The following FBLN5 variants were observed in gnomAD, a reference collection of about 807,000 sequenced individuals.
FBLN5 encodes fibulin-5.
In FBLN5, 24 loss-of-function variants were observed where a neutral mutation model predicts 61.6. That is an observed-to-expected ratio of 0.39 (90% confidence interval 0.28 to 0.55). FBLN5 has a LOEUF of 0.55. Ranked by LOEUF, FBLN5 falls within the 20% of genes least tolerant of loss-of-function variation. FBLN5 has a pLI of 0.65. For missense variants in FBLN5, 470 were observed against 594.1 expected (o/e 0.79, Z 2.17); for synonymous variants, 213 against 219.8 (o/e 0.97, Z 0.27).
chr14:91,897,104 C>T (rs1304786545), intron 4 of FBLN5, among the ~76,000 whole-genome samples: 1 of 152,072 alleles, frequency 6.6e-6, no homozygotes, highest in Non-Finnish European at 1.5e-5. Flanking sequence ...AAGTGGCTTT[C>T]CCTCCTCTAA....
intron 4 of FBLN5, among the ~76,000 whole-genome samples, chr14:91,899,709 T>C (rs1890378587): frequency 6.6e-6 from 1 of 152,218 alleles, no homozygotes; most frequent in African/African-American, 2.4e-5. Context: ...TAGGATTTCA[T>C]ACCCTTAGCT....
At chr14:91,899,868 GA>G (rs978634280) in intron 4 of FBLN5, among the ~76,000 whole-genome samples, 7 of 152,204 alleles carry the variant, frequency 4.6e-5, no homozygotes, top group African/African-American at 1.4e-4. Context: ...AAAGGCACCA[GA>G]TGAAGAAACT....
intron 2 of FBLN5, chr14:91,942,115 C>G: frequency 2.2e-6 from 1 of 455,918 alleles, no homozygotes; most frequent in Non-Finnish European, 4.4e-6. Flanking sequence ...AGAGGCCACT[C>G]GGAGTTTTCA....
In FBLN5 at chr14:91,877,498, A is replaced by G. The variant is rs780349776; in HGVS notation, c.1174T>C (p.Phe392Leu). Residue 392 changes from phenylalanine to leucine, a missense_variant, in exon 10 of 11, where the codon TTT (phenylalanine) becomes CTT (leucine). Transcript: ENST00000342058. ...QIKSGNEGREFYMRQTGPISA... is the reference protein window; with the variant it reads ...QIKSGNEGRELYMRQTGPISA... ...CCACTCCCTCTTACCCGCATGTAAA[A>G]TTCTCTGCCCTCATTCCCAGATTTG... 7.4e-6 allele frequency: 12 copies of G among 1,613,922 alleles called. No homozygotes were observed. The highest frequency in any genetic ancestry group is 9.3e-6 in the Non-Finnish European group (11 of 1,179,858).
At chr14:91,944,287 G>C (rs2056151418) in intron 1 of FBLN5, among the ~76,000 whole-genome samples, 1 of 152,166 alleles carries the variant, frequency 6.6e-6, no homozygotes, top group African/African-American at 2.4e-5. Context: ...CACTCATGAG[G>C]CTATTAAAAA....
intron 7 of FBLN5, among the ~76,000 whole-genome samples, chr14:91,886,595 A>T (rs1889733896): frequency 6.6e-6 from 1 of 152,240 alleles, no homozygotes. Flanking sequence ...ATGTTCTCAC[A>T]ACAAATTATT....
chr14:91,904,881 C>T (rs1280817945), intron 4 of FBLN5, among the ~76,000 whole-genome samples: 1 of 152,232 alleles, frequency 6.6e-6, no homozygotes, highest in Admixed American at 6.5e-5. Flanking sequence ...GATGTTTCCT[C>T]TTTCCTCCTG....
intron 3 of FBLN5, chr14:91,940,035 C>A: frequency 2.2e-6 from 1 of 447,426 alleles, no homozygotes; most frequent in African/African-American, 2.0e-5. Flanking sequence ...AGCCACCAGC[C>A]AAGGAAAGCA....
chr14:91,900,336 ATG>A (rs1314692664), intron 4 of FBLN5, among the ~76,000 whole-genome samples: 1 of 152,248 alleles, frequency 6.6e-6, no homozygotes, highest in African/African-American at 2.4e-5. Context: ...TATGATAGCT[ATG>A]TGTTATATTT....
chr14:91,883,577 T>G (rs1021579264), intron 7 of FBLN5, among the ~76,000 whole-genome samples: 2 of 144,402 alleles, frequency 1.4e-5, no homozygotes, highest in African/African-American at 5.1e-5. Flanking sequence ...ACAATATTGT[T>G]CCTAAAGTCA....
intron 1 of FBLN5, among the ~76,000 whole-genome samples, chr14:91,945,104 G>A (rs957431677): frequency 6.6e-6 from 1 of 151,870 alleles, no homozygotes; most frequent in Non-Finnish European, 1.5e-5. Context: ...GGTGGCAGGC[G>A]CCTGTAGTCC....
chr14:91,937,426 A>G (rs1255211369), intron 3 of FBLN5, among the ~76,000 whole-genome samples: 1 of 152,136 alleles, frequency 6.6e-6, no homozygotes, highest in Admixed American at 6.5e-5. Context: ...GATTTTGACC[A>G]TATCTACAAA....
At chr14:91,871,126 A>C (rs1476049585) in intron 10 of FBLN5, among the ~76,000 whole-genome samples, 1 of 151,908 alleles carries the variant, frequency 6.6e-6, no homozygotes, top group African/African-American at 2.4e-5. Context: ...TATCTATACA[A>C]CCAACATGCA....
chr14:91,884,680 C>T (rs1188660447), intron 7 of FBLN5, among the ~76,000 whole-genome samples: 1 of 152,220 alleles, frequency 6.6e-6, no homozygotes, highest in Non-Finnish European at 1.5e-5. Context: ...GACACTGTAA[C>T]GTCTCCCTGA....
Position 91,943,007 on chromosome 14 carries a change from G to T in FBLN5, c.18-46C>A. 7.7e-7 allele frequency: 1 copy of T among 1,306,740 alleles called. No homozygotes were observed. Among genetic ancestry groups the T allele is most frequent in the Non-Finnish European group, 1.1e-6 (1 of 922,608 alleles). The allele number at this position is 1,306,740 out of a possible 1,614,324, so 80.9% of individuals were successfully genotyped here. A position where few individuals can be genotyped will look rare whatever the true frequency, so the allele number is the denominator to read the frequency against. Reference sequence around the variant, plus strand: ...ATATAAATGCCCAAGACAGATTCAGGTCTAGGGGAGTGTGGGTCGCATGCG... The same window carrying T: ...ATATAAATGCCCAAGACAGATTCAGTTCTAGGGGAGTGTGGGTCGCATGCG... On this transcript the variant is annotated intron_variant, in intron 1 of 10. Transcript: ENST00000342058. This position sits in a 1 kb window ranked among gnomAD's most constrained non-coding sequence, Gnocchi z 4.0.
intron 7 of FBLN5, among the ~76,000 whole-genome samples, chr14:91,885,473 C>T (rs912949019): frequency 3.9e-5 from 6 of 152,118 alleles, no homozygotes; most frequent in Non-Finnish European, 5.9e-5. Flanking sequence ...CTCAGTGGCC[C>T]GCCTACCTTG....
intron 6 of FBLN5, among the ~76,000 whole-genome samples, chr14:91,889,183 G>A (rs117451124): frequency 3.9e-5 from 6 of 152,224 alleles, no homozygotes; most frequent in East Asian, 1.9e-4. Flanking sequence ...GGGACAGGAG[G>A]GGGTAGGAAA....
At chr14:91,922,269 G>C (rs1343356032) in intron 4 of FBLN5, among the ~76,000 whole-genome samples, 2 of 150,724 alleles carry the variant, frequency 1.3e-5, no homozygotes, top group Non-Finnish European at 2.9e-5. Flanking sequence ...CTCCAGCCTG[G>C]GTGACAGAGC....
rs2056137198 is a variant in FBLN5, at chr14:91,943,386, C to A, written c.18-425G>T. On this transcript the variant is annotated intron_variant, in intron 1 of 10. Transcript: ENST00000342058. The surrounding 1 kb of genome is among the most constrained non-coding windows in gnomAD (Gnocchi z 4.0). ...ATTAACTGGGCATGATAGCACGCGC[C>A]TAAAGTCCCAGCTACTCAGGAGGCT... Among the ~76,000 whole-genome samples the A allele has an allele frequency of 1.3e-5, 2 of 151,958 alleles. No individual in the cohort carries two copies. Among genetic ancestry groups the A allele is most frequent in the Admixed American group, 6.6e-5 (1 of 15,258 alleles).
Sources: gnomAD v4.1 joint callset for allele counts (sites outside exome capture counted in the v4.1 genomes callset) on GRCh38, gnomAD v4.1.1 for gene constraint, Gnocchi (gnomAD v3.1) non-coding constraint, MANE v1.5 for transcripts, NCBI Gene and HGNC (gene_info 2026-07-23, HGNC 2026-07-21) for gene names.